The following RYR3 variants were observed in gnomAD, a reference collection of about 807,000 sequenced individuals.
RYR3 encodes ryanodine receptor 3.
A neutral mutation model predicts 584.3 loss-of-function variants in RYR3; 207 were observed. That is an observed-to-expected ratio of 0.35 (90% CI 0.32 to 0.40). The LOEUF (loss-of-function observed/expected upper bound fraction) is 0.40. Ranked by LOEUF, RYR3 falls within the 10% of genes least tolerant of loss-of-function variation. The pLI, the probability that RYR3 is intolerant of heterozygous loss-of-function variation, is 1.00. For missense variants in RYR3, 5,616 were observed against 6,089.2 expected (o/e 0.92, Z 2.59); for synonymous variants, 2,416 against 2,248.5 (o/e 1.07, Z -2.11).
At chr15:33,365,447 C>T (rs1975359786) in intron 1 of RYR3, among the ~76,000 whole-genome samples, 1 of 152,078 alleles carries the variant, frequency 6.6e-6, no homozygotes, top group South Asian at 2.1e-4. Flanking sequence ...AAAGTGAAGT[C>T]AGTGGATGGT....
intron 1 of RYR3, among the ~76,000 whole-genome samples, chr15:33,315,036 A>G (rs1967959045): frequency 6.6e-6 from 1 of 152,224 alleles, no homozygotes; most frequent in South Asian, 2.1e-4. Context: ...AGACAGCCTA[A>G]TTTAGACCTC....
chr15:33,832,523 G>C (rs931146397), intron 86 of RYR3, among the ~76,000 whole-genome samples: 8 of 151,698 alleles, frequency 5.3e-5, no homozygotes, highest in Admixed American at 1.3e-4. Flanking sequence ...GGGCGTGTTG[G>C]TGGGTGCCTG....
chr15:33,844,038 G>A (rs2078553249), intron 92 of RYR3, among the ~76,000 whole-genome samples: 1 of 152,210 alleles, frequency 6.6e-6, no homozygotes. Context: ...ATTGGCAAGT[G>A]GGTCTTGCAT....
At chr15:33,347,339 T>A (rs1357437083) in intron 1 of RYR3, among the ~76,000 whole-genome samples, 1 of 152,242 alleles carries the variant, frequency 6.6e-6, no homozygotes, top group Non-Finnish European at 1.5e-5. Flanking sequence ...CATTGATTTA[T>A]ATCATGAATG....
intron 1 of RYR3, among the ~76,000 whole-genome samples, chr15:33,456,935 C>T (rs28576794): frequency 6.6e-6 from 1 of 152,144 alleles, no homozygotes; most frequent in African/African-American, 2.4e-5. Context: ...TATAAAGTCT[C>T]TCAATTCCTG....
intron 98 of RYR3, among the ~76,000 whole-genome samples, chr15:33,857,231 C>T (rs1426563452): frequency 1.1e-5 from 1 of 90,120 alleles, no homozygotes; most frequent in Non-Finnish European, 2.2e-5. Context: ...TAAGTAAGTC[C>T]AGTATCATGG....
chr15:33,773,161 A>G (rs1281323569), intron 63 of RYR3, among the ~76,000 whole-genome samples: 1 of 152,236 alleles, frequency 6.6e-6, no homozygotes, highest in Non-Finnish European at 1.5e-5. Context: ...TTCTGCATTC[A>G]TCCTTCCAAA....
At chr15:33,637,556 C>A (rs1301197129) in intron 27 of RYR3, among the ~76,000 whole-genome samples, 1 of 152,202 alleles carries the variant, frequency 6.6e-6, no homozygotes, top group Non-Finnish European at 1.5e-5. Flanking sequence ...ATTTTTATGT[C>A]TGTAGATGAT....
chr15:33,756,063 C>T (rs1166202006), intron 58 of RYR3, among the ~76,000 whole-genome samples: 1 of 152,124 alleles, frequency 6.6e-6, no homozygotes, highest in Non-Finnish European at 1.5e-5. Context: ...TGTTAGCCAT[C>T]GCGCCCAGCC....
chr15:33,821,324 C>T lies in RYR3; in HGVS notation c.10870C>T (p.Arg3624Cys), dbSNP rs1412156524. The change falls in exon 79 of 104, where the codon CGT (arginine) becomes TGT (cysteine). Residue 3624 changes from arginine to cysteine, a missense_variant. Physicochemically the swap from Arg to Cys is radical, Grantham distance 180 (BLOSUM62 -3). Coordinates refer to ENST00000634891, the MANE Select transcript of RYR3 (RefSeq NM_001036.6). ...TLYQQARLHE[R>C]GAAEMVLQMI... Reference sequence around the variant, plus strand: ...CTATCAGCAAGCTCGGCTGCATGAGCGTGGTGCTGCAGAGATGGTCCTTCA... The same window carrying T: ...CTATCAGCAAGCTCGGCTGCATGAGTGTGGTGCTGCAGAGATGGTCCTTCA... 3.1e-6 allele frequency: 5 copies of T among 1,604,494 alleles called. No individual in the cohort carries two copies. Among genetic ancestry groups the T allele is most frequent in the Admixed American group, 1.7e-5 (1 of 58,764 alleles).
chr15:33,661,207 C>A (rs1275795451), intron 34 of RYR3, among the ~76,000 whole-genome samples: 2 of 151,938 alleles, frequency 1.3e-5, no homozygotes, highest in Non-Finnish European at 2.9e-5. Context: ...CATGAGGAGT[C>A]GTGAGACTAA....
chr15:33,833,892 T>C (rs553922521), intron 86 of RYR3, among the ~76,000 whole-genome samples: 1 of 152,350 alleles, frequency 6.6e-6, no homozygotes, highest in South Asian at 2.1e-4. Flanking sequence ...TTTAGAACTT[T>C]CTTATTGAGT....
At chr15:33,554,512 G>A (rs1295669426) in intron 10 of RYR3, among the ~76,000 whole-genome samples, 2 of 151,976 alleles carry the variant, frequency 1.3e-5, no homozygotes, top group African/African-American at 2.4e-5. Context: ...TAGCCAGGAC[G>A]GTCTCGATCT....
intron 1 of RYR3, among the ~76,000 whole-genome samples, chr15:33,389,585 C>T (rs763355334): frequency 1.3e-5 from 2 of 151,958 alleles, no homozygotes; most frequent in Non-Finnish European, 2.9e-5. Flanking sequence ...TGTCTCCTAC[C>T]GCAGCAAGTA....
chr15:33,796,424 G>A (rs1317926885), intron 67 of RYR3, among the ~76,000 whole-genome samples: 9 of 151,684 alleles, frequency 5.9e-5, no homozygotes, highest in African/African-American at 1.5e-4. Flanking sequence ...GTGAGCCACC[G>A]CGACCAGCCC....
At chr15:33,502,241 G>A (rs1162084248) in intron 2 of RYR3, among the ~76,000 whole-genome samples, 1 of 152,104 alleles carries the variant, frequency 6.6e-6, no homozygotes, top group Non-Finnish European at 1.5e-5. Flanking sequence ...AGTTGGGAGG[G>A]GAGGAAGAAT....
intron 32 of RYR3, among the ~76,000 whole-genome samples, chr15:33,659,426 C>G (rs904791941): frequency 1.3e-5 from 2 of 152,220 alleles, no homozygotes; most frequent in African/African-American, 2.4e-5. Flanking sequence ...GGGGAGTTAG[C>G]TTCACACCTA....
chr15:33,397,975 T>C (rs2042399571), intron 1 of RYR3, among the ~76,000 whole-genome samples: 2 of 152,204 alleles, frequency 1.3e-5, no homozygotes, highest in Non-Finnish European at 2.9e-5. Flanking sequence ...GCCCATCAGT[T>C]GTTTGGAGCT....
At chr15:33,833,130 C>T (rs370289273) in intron 86 of RYR3, among the ~76,000 whole-genome samples, 19 of 152,092 alleles carry the variant, frequency 1.2e-4, no homozygotes, top group African/African-American at 3.6e-4. Flanking sequence ...TAGGATTATG[C>T]GTGGCTTTAT....
Sources: gnomAD v4.1 joint callset for allele counts (sites outside exome capture counted in the v4.1 genomes callset) on GRCh38, gnomAD v4.1.1 for gene constraint, MANE v1.5 for transcripts, NCBI Gene and HGNC (gene_info 2026-07-23, HGNC 2026-07-21) for gene names.